Variants in ABLIM1 observed in about 807,000 individuals in gnomAD.
The protein encoded by ABLIM1 is actin binding LIM protein 1, also known as actin-binding LIM protein 1.
A neutral mutation model predicts 107.0 loss-of-function variants in ABLIM1; 40 were observed. The observed-to-expected ratio is 0.37, with a 90% CI of 0.29 to 0.49. The LOEUF is 0.49. ABLIM1 is among the 20% of genes least tolerant of loss of function. The pLI is 0.97. For missense variants in ABLIM1, 857 were observed against 1,008.5 expected, an observed-to-expected ratio of 0.85 and a Z score of 2.04; for synonymous variants, 357 against 357.3, an observed-to-expected ratio of 1.00 and a Z score of 0.01.
intron 8 of ABLIM1, among the ~76,000 whole-genome samples, chr10:114,474,542 G>A (rs541386184): frequency 2.6e-5 from 4 of 152,076 alleles, no homozygotes; most frequent in East Asian, 3.9e-4. Flanking sequence ...CACCATGCCC[G>A]GCTAATTTTT....
chr10:114,449,817 T>TA (rs1565281630), intron 14 of ABLIM1, among the ~76,000 whole-genome samples: 1 of 152,216 alleles, frequency 6.6e-6, no homozygotes, highest in Non-Finnish European at 1.5e-5. Context: ...GTTTTGGGCA[T>TA]AACAACTATT....
At chr10:114,670,392 A>G (rs2080198782) in intron 1 of ABLIM1, among the ~76,000 whole-genome samples, 2 of 152,238 alleles carry the variant, frequency 1.3e-5, no homozygotes, top group South Asian at 2.1e-4. Context: ...TGGAAATAAG[A>G]TACATATATT....
chr10:114,734,197 T>C (rs2082132684), intron 1 of ABLIM1, among the ~76,000 whole-genome samples: 2 of 152,126 alleles, frequency 1.3e-5, no homozygotes, highest in Admixed American at 1.3e-4. Context: ...TCAGTAACTC[T>C]AACTGGTCTT....
intron 6 of ABLIM1, among the ~76,000 whole-genome samples, chr10:114,507,145 C>A (rs1490012261): frequency 6.6e-6 from 1 of 152,206 alleles, no homozygotes; most frequent in Non-Finnish European, 1.5e-5. Context: ...ACACAGCTTG[C>A]TTTTAAAAAC....
chr10:114,565,339 A>G (rs569114556), intron 4 of ABLIM1, among the ~76,000 whole-genome samples: 3 of 152,364 alleles, frequency 2.0e-5, no homozygotes, highest in African/African-American at 7.2e-5. Flanking sequence ...GGCAGCTGTC[A>G]TGACCAGCAG....
intron 6 of ABLIM1, among the ~76,000 whole-genome samples, chr10:114,517,990 C>A (rs536086451): frequency 6.6e-6 from 1 of 151,584 alleles, no homozygotes; most frequent in South Asian, 2.1e-4. Flanking sequence ...TGGTATTTGT[C>A]ATGTTTTCTT....
intron 12 of ABLIM1, among the ~76,000 whole-genome samples, chr10:114,453,989 T>C (rs1444336932): frequency 6.6e-6 from 1 of 152,196 alleles, no homozygotes; most frequent in African/African-American, 2.4e-5. Flanking sequence ...TCCTTCCCCT[T>C]AGGAATACAA....
intron 12 of ABLIM1, among the ~76,000 whole-genome samples, chr10:114,457,351 C>A (rs976583280): frequency 1.3e-5 from 2 of 151,942 alleles, no homozygotes; most frequent in Non-Finnish European, 2.9e-5. Flanking sequence ...CTCATTGTAA[C>A]CTCCGCCTCC....
chr10:114,668,554 A>G lies in ABLIM1; in HGVS notation c.64+15736T>C, dbSNP rs988328490. Among the ~76,000 whole-genome samples, 6 of 152,112 alleles carry G rather than the reference A, an allele frequency of 3.9e-5. No homozygotes were observed. In the East Asian group the frequency reaches 1.2e-3, roughly 29 times the overall value. On this transcript the variant is annotated intron_variant, in intron 1 of 23. Transcript: ENST00000369256. ...GGTCTTGCTATGTTGCCCAGGCTGGACTCAAACTCTAGAGCTCACGGAATC... is the reference window on the plus strand; with the variant it reads ...GGTCTTGCTATGTTGCCCAGGCTGGGCTCAAACTCTAGAGCTCACGGAATC...
chr10:114,474,756 T>C (rs544815014), intron 8 of ABLIM1, among the ~76,000 whole-genome samples: 4 of 152,288 alleles, frequency 2.6e-5, no homozygotes, highest in Admixed American at 2.6e-4. Context: ...TTTGGCTGTG[T>C]CTCCACCCAC....
At chr10:114,728,395 G>A (rs1394506831) in intron 1 of ABLIM1, among the ~76,000 whole-genome samples, 1 of 149,666 alleles carries the variant, frequency 6.7e-6, no homozygotes, top group Non-Finnish European at 1.5e-5. Flanking sequence ...GAAGACACAT[G>A]TAAGCATGTT....
chr10:114,717,023 C>G (rs1414589644), intron 1 of ABLIM1, among the ~76,000 whole-genome samples: 1 of 149,818 alleles, frequency 6.7e-6, no homozygotes, highest in African/African-American at 2.4e-5. Context: ...CCACTGATGC[C>G]AAAGCATCAT....
intron 1 of ABLIM1, among the ~76,000 whole-genome samples, chr10:114,678,847 G>A (rs930847101): frequency 6.6e-6 from 1 of 152,108 alleles, no homozygotes; most frequent in Non-Finnish European, 1.5e-5. Context: ...AAGTATTTCA[G>A]GTTAACTGAG....
At chr10:114,644,430 T>C (rs1189626666) in intron 1 of ABLIM1, among the ~76,000 whole-genome samples, 1 of 150,226 alleles carries the variant, frequency 6.7e-6, no homozygotes, top group Non-Finnish European at 1.5e-5. Flanking sequence ...ATTTAACCTG[T>C]ATATTCATGA....
chr10:114,634,171 C>A (rs997406081), intron 1 of ABLIM1, among the ~76,000 whole-genome samples: 1 of 91,852 alleles, frequency 1.1e-5, no homozygotes, highest in Non-Finnish European at 1.9e-5. Context: ...CTTGCTCTGT[C>A]GCCCAGGCTG....
Position 114,726,182 on chromosome 10 carries a change from G to C in ABLIM1, c.-213+41879C>G, listed in dbSNP as rs12782030. ...TTTTAGGGAATAGGTTTAGAAATTT[G>C]TTGTTGTTGTTACAAAATGAACCTG... On this transcript the variant is annotated intron_variant, in intron 1 of 15. Coordinates refer to the ABLIM1 transcript ENST00000651092. Among the ~76,000 whole-genome samples the C allele has an allele frequency of 4.1e-5, 5 of 120,490 alleles. No homozygotes were observed. In the South Asian group the frequency reaches 1.2e-3, roughly 28 times the overall value. The allele number at this position is 120,490 out of a possible 152,430, so 79.0% of individuals were successfully genotyped here.
At chr10:114,525,081 A>C (rs779260536) in intron 6 of ABLIM1, among the ~76,000 whole-genome samples, 5 of 152,248 alleles carry the variant, frequency 3.3e-5, no homozygotes, top group Non-Finnish European at 5.9e-5. Flanking sequence ...ACAGTGTCTG[A>C]AGATATCTCT....
At chr10:114,503,846 C>T (rs1211966810) in intron 6 of ABLIM1, among the ~76,000 whole-genome samples, 2 of 152,168 alleles carry the variant, frequency 1.3e-5, no homozygotes, top group Non-Finnish European at 2.9e-5. Context: ...TATTCTAGGA[C>T]CTCCAGAGTG....
chr10:114,438,437 T>G (rs545183361), intron 21 of ABLIM1, among the ~76,000 whole-genome samples: 1 of 151,962 alleles, frequency 6.6e-6, no homozygotes, highest in African/African-American at 2.4e-5. Context: ...TTTTTTTAAG[T>G]TTTAGTAGAG....
Sources: gnomAD v4.1 joint callset for allele counts (sites outside exome capture counted in the v4.1 genomes callset) on GRCh38, gnomAD v4.1.1 for gene constraint, MANE v1.5 for transcripts, NCBI Gene and HGNC (gene_info 2026-07-23, HGNC 2026-07-21) for gene names.